The following TTC1 variants were observed in gnomAD, a reference collection of about 807,000 sequenced individuals.
TTC1 encodes the protein tetratricopeptide repeat domain 1, also known as tetratricopeptide repeat protein 1.
TTC1 carries 31 observed loss-of-function variants against 37.6 expected under a neutral mutation model. The observed-to-expected ratio is 0.82, with a 90% CI of 0.62 to 1.11. TTC1 has a LOEUF of 1.11. Ranked by LOEUF, TTC1 falls within the 50% of genes most tolerant of loss-of-function variation. The pLI, the probability that TTC1 is intolerant of heterozygous loss-of-function variation, is 0.00. For missense variants in TTC1, 351 were observed against 339.0 expected, an observed-to-expected ratio of 1.04 and a Z score of -0.28; for synonymous variants, 127 against 122.4, an observed-to-expected ratio of 1.04 and a Z score of -0.25.
intron 2 of TTC1, 30 bp downstream of exon 2, chr5:160,010,888 G>C: frequency 6.3e-7 from 1 of 1,582,978 alleles, no homozygotes; most frequent in South Asian, 1.1e-5. Flanking sequence ...TGCAAGATCT[G>C]CCACTTACAC....
intron 2 of TTC1, among the ~76,000 whole-genome samples, chr5:160,013,616 G>A (rs542062740): frequency 6.6e-5 from 10 of 151,788 alleles, no homozygotes; most frequent in Non-Finnish European, 1.2e-4. Context: ...GGTGGTGTGC[G>A]CCTGTAATCC....
At chr5:160,021,135 A>G (rs1581095233) in intron 2 of TTC1, among the ~76,000 whole-genome samples, 1 of 152,198 alleles carries the variant, frequency 6.6e-6, no homozygotes, top group African/African-American at 2.4e-5. Context: ...TAAGCATCAC[A>G]GGAAATGTAT....
intron 2 of TTC1, among the ~76,000 whole-genome samples, chr5:160,017,221 A>C (rs79636659): frequency 0.012 from 1,760 of 152,308 alleles, 22 homozygotes; most frequent in African/African-American, 0.024. Flanking sequence ...ATTCTATCTT[A>C]GTGTGTTGGA....
At chr5:160,054,488 G>A (rs1757489477) in intron 7 of TTC1, among the ~76,000 whole-genome samples, 1 of 152,136 alleles carries the variant, frequency 6.6e-6, no homozygotes, top group Non-Finnish European at 1.5e-5. Context: ...GGTAGCACAA[G>A]ACTGTGGTCC....
chr5:160,053,781 A>G (rs1309047208), intron 7 of TTC1, among the ~76,000 whole-genome samples: 1 of 152,148 alleles, frequency 6.6e-6, no homozygotes, highest in Non-Finnish European at 1.5e-5. Context: ...TTTTATTTAG[A>G]TGTGTTCAGT....
At chr5:160,012,649 G>A (rs1012362867) in intron 2 of TTC1, among the ~76,000 whole-genome samples, 38 of 152,124 alleles carry the variant, frequency 2.5e-4, no homozygotes, top group Admixed American at 8.5e-4. Context: ...GATTACAGGC[G>A]TGAACCACCA....
rs557157232 is a variant in TTC1, at chr5:160,052,548, C to CA, written c.745+1391dup. 9.6e-3 allele frequency among the ~76,000 whole-genome samples: 655 copies of CA among 68,036 alleles called. 94 individuals carry two copies. The highest frequency in any genetic ancestry group is 0.023 in the African/African-American group (401 of 17,518). 44.6% of individuals were successfully genotyped at this position (68,036 alleles called of 152,430 possible). On this transcript the variant is annotated intron_variant, in intron 7 of 7. Transcript: ENST00000231238. ...TACTAACAATGATGCTCTATTTTAG[C>CA]AAAAAAAAAAAAAAAAAAAAAAAAA...
At chr5:160,047,075 A>C (rs1001945983) in intron 5 of TTC1, among the ~76,000 whole-genome samples, 6 of 152,210 alleles carry the variant, frequency 3.9e-5, no homozygotes, top group African/African-American at 1.4e-4. Flanking sequence ...TTTCATAAAG[A>C]TAAAAGCCAA....
At chr5:160,055,244 A>C (rs1757512669) in intron 7 of TTC1, among the ~76,000 whole-genome samples, 1 of 152,148 alleles carries the variant, frequency 6.6e-6, no homozygotes, top group Non-Finnish European at 1.5e-5. Flanking sequence ...ATTGTCAATA[A>C]AATCTGTATG....
intron 4 of TTC1, among the ~76,000 whole-genome samples, chr5:160,039,555 G>A (rs904852204): frequency 2.0e-5 from 3 of 151,792 alleles, no homozygotes; most frequent in African/African-American, 4.8e-5. Context: ...AGTAGACTAT[G>A]AGCCTCAAAC....
intron 6 of TTC1, 152 bp from the exon 7 acceptor site, chr5:160,050,977 G>GT (rs11384114): frequency 0.51 from 223,812 of 442,294 alleles, 34,660 homozygotes; most frequent in African/African-American, 0.62. Flanking sequence ...AATACTTGGG[G>GT]TTTTTTTTTT....
chr5:160,029,061 G>A (rs765050602), intron 2 of TTC1, among the ~76,000 whole-genome samples: 3 of 152,132 alleles, frequency 2.0e-5, no homozygotes, highest in Non-Finnish European at 4.4e-5. Flanking sequence ...TGTTGGTAAT[G>A]ATATTTGTAT....
intron 4 of TTC1, among the ~76,000 whole-genome samples, chr5:160,039,770 T>C (rs770440428): frequency 1.3e-5 from 2 of 152,350 alleles, no homozygotes; most frequent in Non-Finnish European, 2.9e-5. Flanking sequence ...TGAAAAAATA[T>C]TGACTTATAT....
At chr5:160,052,569 A>AAAC (rs1437281694) in intron 7 of TTC1, among the ~76,000 whole-genome samples, 2 of 149,554 alleles carry the variant, frequency 1.3e-5, no homozygotes, top group Non-Finnish European at 3.0e-5. Context: ...AAAAAAAAAA[A>AAAC]AAAAACTGTT....
At position 160,036,764 on chromosome 5, in the gene TTC1, G is replaced by A; in HGVS notation, c.465G>A (p.Ser155=). ...CATCCTGCTTCCAAAAGGAGAGGTC[G>A]ATTCTATTTTCAAATAGAGCTGCAG... ...MCPSCFQKER[S]ILFSNRAAAR... The change falls in exon 4 of 8, where the codon TCG becomes TCA. Residue 155 remains serine (S), a synonymous_variant. Coordinates refer to ENST00000231238, the MANE Select transcript of TTC1 (RefSeq NM_003314.3). 2.5e-6 allele frequency: 4 copies of A among 1,613,860 alleles called. No individual in the cohort carries two copies. Among genetic ancestry groups the A allele is most frequent in the South Asian group, 1.1e-5 (1 of 91,080 alleles).
intron 3 of TTC1, among the ~76,000 whole-genome samples, chr5:160,036,098 A>G (rs184225902): frequency 7.2e-4 from 109 of 152,170 alleles, no homozygotes; most frequent in Non-Finnish European, 2.1e-4. Flanking sequence ...GCAATTTTCT[A>G]TTAGTATCCT....
chr5:160,063,254 T>A (rs1294605487), intron 7 of TTC1, among the ~76,000 whole-genome samples: 1 of 152,144 alleles, frequency 6.6e-6, no homozygotes, highest in Non-Finnish European at 1.5e-5. Flanking sequence ...TTTGCTCTGT[T>A]ACCCAGGCTG....
At position 160,010,573 on chromosome 5, in the gene TTC1, A is replaced by T; in HGVS notation, c.45A>T (p.Leu15Phe). ...ACTGTGGGGTTCCAGAGGATCTGTT[A>T]AATGGTTTGAAGGTTACAGATACTC... ...SENCGVPEDL[L>F]NGLKVTDTQE... Residue 15 changes from leucine (L) to phenylalanine (F), a missense_variant, in exon 2 of 8, where the codon TTA (leucine) becomes TTT (phenylalanine). Transcript: ENST00000231238. 2 of 1,614,112 alleles carry T rather than the reference A, an allele frequency of 1.2e-6. No individual in the cohort carries two copies. The highest frequency in any genetic ancestry group is 1.7e-6 in the Non-Finnish European group (2 of 1,180,018).
intron 2 of TTC1, among the ~76,000 whole-genome samples, chr5:160,019,540 A>G (rs867821888): frequency 1.1e-4 from 17 of 149,588 alleles, no homozygotes; most frequent in Admixed American, 6.6e-4. Context: ...TAACGTCATG[A>G]GCAACCTTTC....
Sources: gnomAD v4.1 joint callset for allele counts (sites outside exome capture counted in the v4.1 genomes callset) on GRCh38, gnomAD v4.1.1 for gene constraint, MANE v1.5 for transcripts, NCBI Gene and HGNC (gene_info 2026-07-23, HGNC 2026-07-21) for gene names.